LINGO2: variants seen among roughly 807,000 people sequenced by gnomAD.
The protein encoded by LINGO2 is leucine-rich repeat and immunoglobulin-like domain-containing nogo receptor-interacting protein 2.
A neutral mutation model predicts 30.6 loss-of-function variants in LINGO2; 14 were observed. The observed-to-expected ratio is 0.46, with a 90% CI of 0.30 to 0.72. LINGO2 has a LOEUF of 0.72. LINGO2 is among the 30% of genes least tolerant of loss of function. LINGO2 has a pLI of 0.07. For missense variants in LINGO2, 729 were observed against 751.7 expected, an observed-to-expected ratio of 0.97 and a Z score of 0.35; for synonymous variants, 317 against 288.5, an observed-to-expected ratio of 1.10 and a Z score of -1.00.
At chr9:28,989,181 T>C in the LINGO2 span, among the ~76,000 whole-genome samples, 1 of 152,198 alleles carries the variant, frequency 6.6e-6, no homozygotes, top group African/African-American at 2.4e-5. Context: ...TCCATTCCTG[T>C]CCAGTGGGCT....
chr9:28,315,246 T>A (rs1041904796), intron 3 of LINGO2, among the ~76,000 whole-genome samples: 1 of 151,356 alleles, frequency 6.6e-6, no homozygotes, highest in Non-Finnish European at 1.5e-5. Flanking sequence ...CTACTAAAAA[T>A]ACCAAAAATT....
chr9:28,843,588 TAGAG>T, the LINGO2 span, among the ~76,000 whole-genome samples: 2 of 151,502 alleles, frequency 1.3e-5, no homozygotes, highest in African/African-American at 4.9e-5. Flanking sequence ...CGAAAGAAAA[TAGAG>T]AGACTCCAGT....
chr9:28,196,033 TA>T (rs1224134612), intron 4 of LINGO2, among the ~76,000 whole-genome samples: 1 of 151,610 alleles, frequency 6.6e-6, no homozygotes, highest in Middle Eastern at 3.8e-3. Context: ...TAAATCAATA[TA>T]AAAACCGTTT....
At chr9:27,987,458 C>G (rs1821177745) in intron 5 of LINGO2, among the ~76,000 whole-genome samples, 1 of 151,774 alleles carries the variant, frequency 6.6e-6, no homozygotes, top group Non-Finnish European at 1.5e-5. Flanking sequence ...AAGCTAGTTG[C>G]TTTAAGTATA....
chr9:28,163,429 A>G (rs1276886992), intron 4 of LINGO2, among the ~76,000 whole-genome samples: 2 of 152,148 alleles, frequency 1.3e-5, no homozygotes, highest in African/African-American at 4.8e-5. Context: ...TTTAGAATAT[A>G]TATTAAAAAT....
At chr9:28,346,808 T>A (rs1312066653) in intron 3 of LINGO2, among the ~76,000 whole-genome samples, 1 of 151,826 alleles carries the variant, frequency 6.6e-6, no homozygotes, top group Non-Finnish European at 1.5e-5. Context: ...TTTTTTTTCA[T>A]ATGCTTGTTG....
At chr9:29,063,079 T>C in the LINGO2 span, among the ~76,000 whole-genome samples, 61 of 152,224 alleles carry the variant, frequency 4.0e-4, 1 homozygote, top group African/African-American at 1.1e-3. Context: ...GGGGAAACAA[T>C]TGATAGAAAT....
At chr9:29,016,717 A>G in the LINGO2 span, among the ~76,000 whole-genome samples, 4 of 152,304 alleles carry the variant, frequency 2.6e-5, no homozygotes, top group Middle Eastern at 3.4e-3. Flanking sequence ...TTTAAGAACT[A>G]TATCTTTTCA....
At chr9:28,187,575 TGAA>T (rs759726903) in intron 4 of LINGO2, among the ~76,000 whole-genome samples, 2 of 151,740 alleles carry the variant, frequency 1.3e-5, no homozygotes, top group South Asian at 2.1e-4. Context: ...TTGTCATCAA[TGAA>T]GAAGAAGACT....
chr9:28,714,587 T>G, the LINGO2 span, among the ~76,000 whole-genome samples: 1 of 152,108 alleles, frequency 6.6e-6, no homozygotes, highest in Non-Finnish European at 1.5e-5. Context: ...CCTTTACTAT[T>G]AACGGCAGTC....
exon 6 of LINGO2, chr9:27,948,550 A>G (rs981978089): frequency 6.8e-6 from 2 of 294,282 alleles, no homozygotes; most frequent in Non-Finnish European, 6.2e-6. Context: ...GTGGTAGAAA[A>G]TGCTGAATAA....
intron 5 of LINGO2, among the ~76,000 whole-genome samples, chr9:27,951,826 G>A (rs959979248): frequency 2.6e-5 from 4 of 151,832 alleles, no homozygotes; most frequent in Admixed American, 2.6e-4. Context: ...GGAAAAATTA[G>A]TAAAAAAATA....
intron 1 of LINGO2, among the ~76,000 whole-genome samples, chr9:28,578,098 C>G (rs1240436677): frequency 6.6e-6 from 1 of 152,078 alleles, no homozygotes; most frequent in African/African-American, 2.4e-5. Flanking sequence ...TTTGATGTAG[C>G]TATAATGAGA....
intron 1 of LINGO2, among the ~76,000 whole-genome samples, chr9:28,653,741 C>T (rs975937933): frequency 2.0e-5 from 3 of 152,026 alleles, no homozygotes; most frequent in African/African-American, 7.2e-5. Context: ...CCAATATACA[C>T]TGTACGGGAT....
the LINGO2 span, among the ~76,000 whole-genome samples, chr9:29,082,324 T>C: frequency 6.6e-6 from 1 of 152,074 alleles, no homozygotes; most frequent in Admixed American, 6.6e-5. Context: ...ACACAAGAAA[T>C]GGGGAAAGGA....
At chr9:29,115,135 C>A in the LINGO2 span, among the ~76,000 whole-genome samples, 1 of 151,960 alleles carries the variant, frequency 6.6e-6, no homozygotes, top group Non-Finnish European at 1.5e-5. Flanking sequence ...ATTGCTAACC[C>A]ATTTGGCAGA....
chr9:28,422,191 G>A (rs556931735), intron 2 of LINGO2, among the ~76,000 whole-genome samples: 2 of 152,124 alleles, frequency 1.3e-5, no homozygotes, highest in South Asian at 2.1e-4. Context: ...AATTGAAATT[G>A]TGCATCAAAT....
chr9:28,214,751 C>T (rs915648164), intron 4 of LINGO2, among the ~76,000 whole-genome samples: 1 of 151,630 alleles, frequency 6.6e-6, no homozygotes, highest in East Asian at 1.9e-4. Flanking sequence ...AATTCATGCT[C>T]TGCAAGTAGA....
chr9:28,948,347 C>T, the LINGO2 span, among the ~76,000 whole-genome samples: 1 of 152,038 alleles, frequency 6.6e-6, no homozygotes, highest in Admixed American at 6.6e-5. Context: ...ACACATTTAT[C>T]TGTTTCCATT....
Sources: gnomAD v4.1 joint callset for allele counts (sites outside exome capture counted in the v4.1 genomes callset) on GRCh38, gnomAD v4.1.1 for gene constraint, MANE v1.5 for transcripts, NCBI Gene and HGNC (gene_info 2026-07-23, HGNC 2026-07-21) for gene names.